TBXAS1: variants seen among roughly 807,000 people sequenced by gnomAD.
TBXAS1 encodes thromboxane-A synthase.
A neutral mutation model predicts 60.7 loss-of-function variants in TBXAS1; 48 were observed. The observed-to-expected ratio is 0.79, with a 90% CI of 0.63 to 1.01. The LOEUF (loss-of-function observed/expected upper bound fraction) is 1.01, where lower values mean the gene tolerates loss of function less well. Among genes scored for constraint, TBXAS1 ranks in the 50% least tolerant of loss-of-function variants. The pLI is 0.00. For synonymous variants in TBXAS1, 287 were observed against 269.7 expected, an observed-to-expected ratio of 1.06 and a Z score of -0.63; for missense variants, 685 against 686.3, an observed-to-expected ratio of 1.00 and a Z score of 0.02.
At chr7:140,015,683 C>G in intron 10 of TBXAS1, 40 bp from the exon 11 acceptor site, 1 of 1,610,528 alleles carries the variant, frequency 6.2e-7, no homozygotes. Flanking sequence ...TGCTCCTCAT[C>G]TCTTCTCTGT....
chr7:140,009,295 T>C (rs540405340), intron 10 of TBXAS1, among the ~76,000 whole-genome samples: 1 of 152,276 alleles, frequency 6.6e-6, no homozygotes, highest in Admixed American at 6.5e-5. Context: ...CAGAAGACCA[T>C]CTTGGCCCTG....
chr7:139,851,230 G>A (rs1354378697), intron 1 of TBXAS1, among the ~76,000 whole-genome samples: 5 of 152,204 alleles, frequency 3.3e-5, no homozygotes, highest in Non-Finnish European at 5.9e-5. Flanking sequence ...AGGCCTGGCT[G>A]GAGGCTCAGG....
At chr7:139,892,940 G>A (rs1803757746) in intron 3 of TBXAS1, among the ~76,000 whole-genome samples, 1 of 152,062 alleles carries the variant, frequency 6.6e-6, no homozygotes, top group South Asian at 2.1e-4. Flanking sequence ...TCCCCTCTTT[G>A]GGCCTCATTT....
intron 3 of TBXAS1, among the ~76,000 whole-genome samples, chr7:139,877,247 TC>T (rs1420963282): frequency 1.3e-5 from 2 of 152,160 alleles, no homozygotes; most frequent in East Asian, 3.8e-4. Context: ...CCTGCTTCAC[TC>T]CCTAAGATCT....
At chr7:139,838,834 G>A (rs73733578) in intron 1 of TBXAS1, among the ~76,000 whole-genome samples, 10,640 of 152,206 alleles carry the variant, frequency 0.07, 1,237 homozygotes, top group African/African-American at 0.24. Flanking sequence ...CACCACCAGG[G>A]CTGGAGATGG....
At chr7:139,823,762 A>G (rs148780451) in intron 4 of TBXAS1, among the ~76,000 whole-genome samples, 1 of 152,308 alleles carries the variant, frequency 6.6e-6, no homozygotes, top group Non-Finnish European at 1.5e-5. Context: ...TACATGTATG[A>G]CCTCAGGTGG....
At chr7:139,929,856 C>T (rs565631184) in intron 4 of TBXAS1, among the ~76,000 whole-genome samples, 25 of 152,300 alleles carry the variant, frequency 1.6e-4, no homozygotes, top group Admixed American at 1.2e-3. Context: ...TTCCTCCTGA[C>T]GGCGCTCCCT....
intron 1 of TBXAS1, among the ~76,000 whole-genome samples, chr7:139,840,494 T>C (rs2267680): frequency 0.55 from 83,317 of 152,032 alleles, 25,047 homozygotes; most frequent in East Asian, 0.89. Context: ...TGTTCAGCTT[T>C]ATTTAACCCA....
intron 1 of TBXAS1, among the ~76,000 whole-genome samples, chr7:139,865,650 A>AGAAGAAG (rs1569503747): frequency 1.2e-3 from 19 of 15,992 alleles, no homozygotes; most frequent in South Asian, 6.5e-3. Flanking sequence ...AGGAGGAGGA[A>AGAAGAAG]GAGGAGGAGG....
At chr7:140,008,447 C>CTTTTTTTTT (rs35875761) in intron 10 of TBXAS1, among the ~76,000 whole-genome samples, 2 of 126,054 alleles carry the variant, frequency 1.6e-5, no homozygotes, top group African/African-American at 3.0e-5. Context: ...TTCTTTTATT[C>CTTTTTTTTT]TTTTTTTTTT....
At chr7:139,928,327 C>G (rs1401525167) in intron 4 of TBXAS1, among the ~76,000 whole-genome samples, 2 of 152,216 alleles carry the variant, frequency 1.3e-5, no homozygotes, top group Non-Finnish European at 2.9e-5. Flanking sequence ...CCCACTTGGT[C>G]TTAATGAATT....
chr7:139,931,628 T>G (rs533154068), intron 4 of TBXAS1, among the ~76,000 whole-genome samples: 31 of 152,230 alleles, frequency 2.0e-4, no homozygotes, highest in Admixed American at 1.7e-3. Context: ...CTCCCCTTTA[T>G]AAAACCATCA....
At chr7:139,993,610 C>G (rs533237018) in intron 9 of TBXAS1, among the ~76,000 whole-genome samples, 20 of 152,308 alleles carry the variant, frequency 1.3e-4, no homozygotes, top group African/African-American at 4.8e-4. Flanking sequence ...TCCACAATTT[C>G]TTATCAATTG....
chr7:139,892,886 C>T (rs1382728983), intron 3 of TBXAS1, among the ~76,000 whole-genome samples: 9 of 152,134 alleles, frequency 5.9e-5, no homozygotes, highest in African/African-American at 1.2e-4. Context: ...TCCAGGGACT[C>T]CTCCGCCTGG....
At chr7:139,947,287 C>T (rs758748423) in intron 5 of TBXAS1, among the ~76,000 whole-genome samples, 30 of 152,308 alleles carry the variant, frequency 2.0e-4, no homozygotes, top group Admixed American at 3.3e-4. Flanking sequence ...AGCTGGAGGC[C>T]ATTATCCTCA....
Position 139,805,712 on chromosome 7 carries a change from T to TTCTTTCTCTC in TBXAS1, c.-80+18289_-80+18290insTTCTCTCTCT, listed in dbSNP as rs753031062. On this transcript the variant is annotated intron_variant, in intron 4 of 16. Transcript: ENST00000336425. ...TTTCTTTCTTTCTTTCTTTCTTTCTTTCTCTCTCTCTCTCTCTCTTTCTTT... is the reference window on the plus strand; with the variant it reads ...TTTCTTTCTTTCTTTCTTTCTTTCTTTCTTTCTCTCTCTCTCTCTCTCTCTCTCTTTCTTT... 5.2e-3 allele frequency among the ~76,000 whole-genome samples: 232 copies of TTCTTTCTCTC among 44,328 alleles called. 1 individual carries two copies. The highest frequency in any genetic ancestry group is 0.013 in the East Asian group (19 of 1,420). The allele number at this position is 44,328 out of a possible 152,430, so 29.1% of individuals were successfully genotyped here.
At chr7:139,805,025 ATCCTTTTCCATC>A (rs1797812321) in intron 4 of TBXAS1, among the ~76,000 whole-genome samples, 1 of 152,266 alleles carries the variant, frequency 6.6e-6, no homozygotes, top group East Asian at 1.9e-4. Context: ...AATTAGAATA[ATCCTTTTCCATC>A]TTGAATTGGA....
chr7:139,810,704 G>A (rs1032995116), intron 4 of TBXAS1, among the ~76,000 whole-genome samples: 5 of 152,142 alleles, frequency 3.3e-5, no homozygotes, highest in African/African-American at 4.8e-5. Flanking sequence ...AGCAGTGCAC[G>A]CTCTGGGATT....
chr7:139,937,708 C>A (rs975888414), intron 5 of TBXAS1, among the ~76,000 whole-genome samples: 1 of 152,188 alleles, frequency 6.6e-6, no homozygotes, highest in Admixed American at 6.5e-5. Flanking sequence ...AAACTAGGCA[C>A]GGAGAGATTA....
Sources: allele counts gnomAD v4.1 joint callset (sites outside exome capture counted in the v4.1 genomes callset), GRCh38; gene constraint gnomAD v4.1.1; transcripts MANE v1.5; gene names NCBI Gene and HGNC (gene_info 2026-07-23, HGNC 2026-07-21).